Variants in ASB5 observed in about 807,000 individuals in gnomAD.
ASB5 encodes the protein ankyrin repeat and SOCS box containing 5.
Under a neutral mutation model 42.1 loss-of-function variants are expected in ASB5, and 45 were observed. The ratio of observed to expected loss-of-function variants is 1.07; its 90% CI spans 0.84 to 1.37. The LOEUF is 1.37. Ranked by LOEUF, ASB5 falls within the 40% of genes most tolerant of loss-of-function variation. The probability of loss-of-function intolerance (pLI) is 0.00; values close to 1 mark genes in which losing one functional copy is unlikely to be tolerated. For missense variants in ASB5, 402 were observed against 399.8 expected, an observed-to-expected ratio of 1.01 and a Z score of -0.05; for synonymous variants, 147 against 150.6, an observed-to-expected ratio of 0.98 and a Z score of 0.18.
upstream of ASB5, among the ~76,000 whole-genome samples, chr4:176,271,201 T>C (rs1335577716): frequency 6.6e-6 from 1 of 152,174 alleles, no homozygotes; most frequent in African/African-American, 2.4e-5. Context: ...GTTGGTATAC[T>C]CTCCCTCAGC....
chr4:176,233,584 A>G (rs1446344123), intron 1 of ASB5, among the ~76,000 whole-genome samples: 1 of 152,158 alleles, frequency 6.6e-6, no homozygotes, highest in East Asian at 1.9e-4. Context: ...TTGTCAAGGA[A>G]ACTTTATATA....
At chr4:176,260,980 G>A (rs1318410932) in intron 1 of ASB5, among the ~76,000 whole-genome samples, 1 of 152,100 alleles carries the variant, frequency 6.6e-6, no homozygotes, top group Non-Finnish European at 1.5e-5. Flanking sequence ...GGCAAGAAAT[G>A]CGAAAAGTTC....
At position 176,221,203 on chromosome 4, in the gene ASB5, C is replaced by T. The variant is rs768333542; in HGVS notation, c.622G>A (p.Ala208Thr). 4 of 1,613,972 alleles carry T rather than the reference C, an allele frequency of 2.5e-6. No homozygotes were observed. In the African/African-American group the frequency reaches 5.3e-5, roughly 22 times the overall value. Residue 208 changes from alanine (A) to threonine (T), a missense_variant, in exon 5 of 7, where the codon GCT becomes ACT. Ala to Thr is a moderately conservative substitution (Grantham distance 58). Coordinates refer to ENST00000296525, the MANE Select transcript of ASB5 (RefSeq NM_080874.4). ...IPHLGTPLYV[A>T]CMSQQFHCIW... Reference sequence around the variant, plus strand: ...CAATGGAATTGCTGTGACATACAAGCTACATAGAGAGGAGTTCCCAAATGA... The same window carrying T: ...CAATGGAATTGCTGTGACATACAAGTTACATAGAGAGGAGTTCCCAAATGA...
chr4:176,224,578 G>T, intron 2 of ASB5, among the ~76,000 whole-genome samples: 1 of 151,004 alleles, frequency 6.6e-6, no homozygotes, highest in Non-Finnish European at 1.5e-5. Context: ...TCACCATGTT[G>T]GCCAGGCTGG....
At chr4:176,226,669 C>CA (rs1361237282) in intron 1 of ASB5, among the ~76,000 whole-genome samples, 2 of 152,280 alleles carry the variant, frequency 1.3e-5, no homozygotes, top group South Asian at 2.1e-4. Context: ...AGATCAGCCA[C>CA]AAAAAAGTTC....
chr4:176,252,169 G>A (rs1754054511), intron 1 of ASB5, among the ~76,000 whole-genome samples: 1 of 151,270 alleles, frequency 6.6e-6, no homozygotes, highest in African/African-American at 2.4e-5. Flanking sequence ...GCCACTTTTT[G>A]AGGTTAAAAG....
intron 1 of ASB5, among the ~76,000 whole-genome samples, chr4:176,232,764 T>G (rs1753582156): frequency 6.6e-6 from 1 of 152,214 alleles, no homozygotes; most frequent in Non-Finnish European, 1.5e-5. Context: ...GCCAACATCT[T>G]TCTCTTAAGA....
chr4:176,230,764 C>T (rs185922257), intron 1 of ASB5, among the ~76,000 whole-genome samples: 10 of 152,270 alleles, frequency 6.6e-5, no homozygotes, highest in Admixed American at 4.6e-4. Context: ...GAGAGATTTA[C>T]GAGCCATCTC....
intron 1 of ASB5, among the ~76,000 whole-genome samples, chr4:176,230,597 A>T (rs1255649183): frequency 6.6e-6 from 1 of 152,238 alleles, no homozygotes; most frequent in Non-Finnish European, 1.5e-5. Flanking sequence ...GAATCAAAGG[A>T]TACTACAATG....
At chr4:176,266,446 A>T (rs908828348) in intron 1 of ASB5, among the ~76,000 whole-genome samples, 14 of 152,132 alleles carry the variant, frequency 9.2e-5, no homozygotes, top group African/African-American at 3.4e-4. Context: ...CTAATTAGTG[A>T]CTTATAAAGA....
In ASB5 at chr4:176,221,275, G is replaced by A; in HGVS notation, c.550C>T (p.Leu184Phe). 1.9e-6 allele frequency: 3 copies of A among 1,614,024 alleles called. No individual in the cohort carries two copies. The highest frequency in any genetic ancestry group is 2.2e-5 in the South Asian group (2 of 91,046). Residue 184 changes from leucine (L) to phenylalanine (F), a missense_variant, in exon 5 of 7, where the codon CTT becomes TTT. Coordinates refer to ENST00000296525, the MANE Select transcript of ASB5 (RefSeq NM_080874.4). Reference sequence around the variant, plus strand: ...ATGCCCCAGGATATCAGGATGTCAAGACATTCATGGTGACCTGCCAACACA... The same window carrying A: ...ATGCCCCAGGATATCAGGATGTCAAAACATTCATGGTGACCTGCCAACACA... ...EAASKGHHEC[L>F]DILISWGIDV...
chr4:176,259,415 T>C (rs931101048), intron 1 of ASB5, among the ~76,000 whole-genome samples: 13 of 152,178 alleles, frequency 8.5e-5, no homozygotes, highest in African/African-American at 3.1e-4. Context: ...TTGGAAAACA[T>C]AAGTGCACAT....
At chr4:176,226,874 C>A (rs1425461389) in intron 1 of ASB5, among the ~76,000 whole-genome samples, 1 of 152,236 alleles carries the variant, frequency 6.6e-6, no homozygotes, top group Admixed American at 6.5e-5. Context: ...AGTAGCTGAG[C>A]CCCGCGTCTG....
chr4:176,268,852 A>G, intron 1 of ASB5, 61 bp downstream of exon 1: 1 of 1,335,566 alleles, frequency 7.5e-7, no homozygotes, highest in Non-Finnish European at 1.0e-6. Flanking sequence ...AAAACATGTA[A>G]TTGTGGATCA....
intron 1 of ASB5, among the ~76,000 whole-genome samples, chr4:176,241,296 AG>A (rs1324677275): frequency 6.6e-6 from 1 of 152,220 alleles, no homozygotes; most frequent in Non-Finnish European, 1.5e-5. Flanking sequence ...TCAGGACAAA[AG>A]TCTGTGATAA....
intron 1 of ASB5, among the ~76,000 whole-genome samples, chr4:176,249,242 C>T (rs993533149): frequency 2.6e-5 from 4 of 152,254 alleles, no homozygotes; most frequent in Admixed American, 6.5e-5. Context: ...GTTGGGATTA[C>T]AGGCGTGAGC....
intron 1 of ASB5, among the ~76,000 whole-genome samples, chr4:176,263,391 G>A (rs754886186): frequency 6.6e-6 from 1 of 152,146 alleles, no homozygotes; most frequent in South Asian, 2.1e-4. Context: ...AAACTTGTAA[G>A]TTTGTTCCCA....
chr4:176,273,907 T>G (rs907641777), upstream of ASB5, among the ~76,000 whole-genome samples: 4 of 152,288 alleles, frequency 2.6e-5, no homozygotes, highest in Middle Eastern at 3.4e-3. Context: ...AGGAATTTGG[T>G]TTTTTGTTTT....
At chr4:176,253,005 T>C (rs1436411294) in intron 1 of ASB5, among the ~76,000 whole-genome samples, 1 of 152,204 alleles carries the variant, frequency 6.6e-6, no homozygotes, top group African/African-American at 2.4e-5. Context: ...TACATTAAAG[T>C]GTGAGGTAGG....
Sources: allele counts gnomAD v4.1 joint callset (sites outside exome capture counted in the v4.1 genomes callset), GRCh38; gene constraint gnomAD v4.1.1; transcripts MANE v1.5; gene names NCBI Gene and HGNC (gene_info 2026-07-23, HGNC 2026-07-21).